The following GLYATL3 variants were observed in gnomAD, a reference collection of about 807,000 sequenced individuals.
The protein encoded by GLYATL3 is glycine N-acyltransferase-like protein 3.
A neutral mutation model predicts 28.5 loss-of-function variants in GLYATL3; 31 were observed. The ratio of observed to expected loss-of-function variants is 1.09; its 90% CI spans 0.82 to 1.47. The LOEUF is 1.47. Among genes scored for constraint, GLYATL3 ranks in the 40% most tolerant of loss-of-function variants. The probability of loss-of-function intolerance (pLI) is 0.00; values close to 1 mark genes in which losing one functional copy is unlikely to be tolerated. For missense variants in GLYATL3, 369 were observed against 351.5 expected, an observed-to-expected ratio of 1.05 and a Z score of -0.40; for synonymous variants, 141 against 140.2, an observed-to-expected ratio of 1.01 and a Z score of -0.04.
At chr6:49,506,211 A>C (rs1581865405) in intron 1 of GLYATL3, among the ~76,000 whole-genome samples, 1 of 152,150 alleles carries the variant, frequency 6.6e-6, no homozygotes, top group South Asian at 2.1e-4. Context: ...GTTGAATTTT[A>C]TCAGGAGCAA....
At position 49,521,679 on chromosome 6, in the gene GLYATL3, GGTTGCCAATTCAAAGCA is replaced by G; in HGVS notation, c.353_369del (p.Ala118GlufsTer52). The G allele has an allele frequency of 6.5e-7, 1 of 1,550,374 alleles. No homozygotes were observed. Among genetic ancestry groups the G allele is most frequent in the Non-Finnish European group, 8.7e-7 (1 of 1,145,886 alleles). On this transcript the variant is annotated frameshift_variant, in exon 5 of 6. Transcript: ENST00000371197. LOFTEE classifies it high-confidence loss of function. ...GTGAGTTATATGATGTTTCCAAAGC[GGTTGCCAATTCAAAGCA>G]GTTGAATATAAAGCTAACTTCCTTC...
chr6:49,517,498 T>A lies in GLYATL3; in HGVS notation c.255T>A (p.Tyr85Ter). 1.3e-6 allele frequency: 2 copies of A among 1,551,140 alleles called. No homozygotes were observed. Among genetic ancestry groups the A allele is most frequent in the Non-Finnish European group, 1.7e-6 (2 of 1,146,424 alleles). The change falls in exon 4 of 6, where the codon TAT (tyrosine) becomes TAA (stop). Residue 85 changes from tyrosine (Y) to a stop codon, truncating the protein, a stop_gained. Coordinates refer to ENST00000371197, the MANE Select transcript of GLYATL3 (RefSeq NM_001010904.2). LOFTEE classifies it high-confidence loss of function. ...YAVFYKDVRA[Y>*]RQLLEECDVF... ...TGTTCTACAAGGATGTCAGGGCTTA[T>A]CGACAGCTATTGGAAGAATGTGATG...
In GLYATL3 at chr6:49,501,175, G is replaced by A. The variant is rs556488581; in HGVS notation, c.-29+1133G>A. On this transcript the variant is annotated intron_variant, in intron 1 of 5. Transcript: ENST00000371197. ...AGCACTTTGGGGGGCCAAGGCAGGTGGATCACATGAGGTCAGGAGTTTGAG... is the reference window on the plus strand; with the variant it reads ...AGCACTTTGGGGGGCCAAGGCAGGTAGATCACATGAGGTCAGGAGTTTGAG... Among the ~76,000 whole-genome samples, 147 of 152,238 alleles carry A rather than the reference G, an allele frequency of 9.7e-4. 1 individual carries two copies. Among genetic ancestry groups the A allele is most frequent in the Admixed American group, 2.5e-3 (39 of 15,298 alleles).
In GLYATL3 at chr6:49,512,060, TCA is replaced by T; in HGVS notation, c.72_73del (p.Leu25GlnfsTer39). 1 of 1,303,448 alleles carries T rather than the reference TCA, an allele frequency of 7.7e-7. No individual in the cohort carries two copies. Among genetic ancestry groups the T allele is most frequent in the Non-Finnish European group, 1.1e-6 (1 of 922,702 alleles). 80.7% of individuals were successfully genotyped at this position (1,303,448 alleles called of 1,614,324 possible). A position where few individuals can be genotyped will look rare whatever the true frequency, so the allele number is the denominator to read the frequency against. On this transcript the variant is annotated frameshift_variant, in exon 2 of 6. Transcript: ENST00000371197. LOFTEE classifies it high-confidence loss of function. The stretch of plus-strand genomic sequence containing the variant: ...AATGTTGAAGAGTTGCTTTCCTGAA[TCA>T]CTCAAGGTACCATAAAATTAATAAT... ...EKMLKSCFPE[S>X]LKVYGAVMNI...
At chr6:49,504,387 T>C (rs1219173537) in intron 1 of GLYATL3, among the ~76,000 whole-genome samples, 1 of 152,086 alleles carries the variant, frequency 6.6e-6, no homozygotes, top group Admixed American at 6.6e-5. Flanking sequence ...GATATTCACC[T>C]GGGGAAACAC....
chr6:49,515,137 TTTTAA>T (rs1013562543), intron 2 of GLYATL3, among the ~76,000 whole-genome samples: 1 of 152,132 alleles, frequency 6.6e-6, no homozygotes, highest in Non-Finnish European at 1.5e-5. Flanking sequence ...TGTTTGTTTG[TTTTAA>T]TTTGAGTTGG....
intron 1 of GLYATL3, among the ~76,000 whole-genome samples, chr6:49,506,234 C>T (rs1769008958): frequency 6.6e-6 from 1 of 152,160 alleles, no homozygotes; most frequent in Non-Finnish European, 1.5e-5. Context: ...TGGAGTCCTG[C>T]ATTGGCAACA....
chr6:49,517,323 C>A, intron 3 of GLYATL3, 107 bp from the exon 4 acceptor site: 1 of 907,364 alleles, frequency 1.1e-6, no homozygotes, highest in Non-Finnish European at 1.6e-6. Flanking sequence ...TGTTAGCCAC[C>A]TATAAAAATT....
chr6:49,528,012 C>T lies in GLYATL3; in HGVS notation c.*1098C>T, dbSNP rs1020446315. ...CATTTTAATTCCAATCTGTTATTTT[C>T]ACTAAATCATGTATCCTTTTTTATA... On this transcript the variant is annotated 3_prime_UTR_variant, in exon 6 of 6. Transcript: ENST00000371197. 5.3e-5 allele frequency among the ~76,000 whole-genome samples: 8 copies of T among 152,120 alleles called. No individual in the cohort carries two copies. The highest frequency in any genetic ancestry group is 1.9e-4 in the African/African-American group (8 of 41,442).
intron 2 of GLYATL3, among the ~76,000 whole-genome samples, chr6:49,513,233 T>C (rs890845419): frequency 2.0e-5 from 3 of 152,226 alleles, no homozygotes; most frequent in South Asian, 2.1e-4. Flanking sequence ...ATGGATTTTG[T>C]AACCTCAGCT....
At chr6:49,520,063 T>A (rs899453546) in intron 4 of GLYATL3, among the ~76,000 whole-genome samples, 1 of 152,212 alleles carries the variant, frequency 6.6e-6, no homozygotes, top group African/African-American at 2.4e-5. Context: ...GATGGGAAGT[T>A]CCTTTCATTT....
At chr6:49,503,687 T>G (rs1305860240) in intron 1 of GLYATL3, among the ~76,000 whole-genome samples, 1 of 152,344 alleles carries the variant, frequency 6.6e-6, no homozygotes, top group Middle Eastern at 3.4e-3. Flanking sequence ...TGAAGACAAG[T>G]TGATAGGACA....
chr6:49,518,860 G>A (rs1011417083), intron 4 of GLYATL3, among the ~76,000 whole-genome samples: 2 of 151,900 alleles, frequency 1.3e-5, no homozygotes, highest in Admixed American at 6.6e-5. Context: ...AGAATGGCGT[G>A]AACCCAGGAG....
In GLYATL3 at chr6:49,526,907, A is replaced by T; in HGVS notation, c.860A>T (p.His287Leu). 2.0e-6 allele frequency: 3 copies of T among 1,525,102 alleles called. No individual in the cohort carries two copies. Among genetic ancestry groups the T allele is most frequent in the Non-Finnish European group, 2.6e-6 (3 of 1,132,598 alleles). 94.5% of individuals were successfully genotyped at this position (1,525,102 alleles called of 1,614,324 possible). Residue 287 changes from histidine (H) to leucine (L), a missense_variant, in exon 6 of 6, where the codon CAC becomes CTC. His to Leu is a moderately conservative substitution (Grantham distance 99, BLOSUM62 -3). Coordinates refer to ENST00000371197, the MANE Select transcript of GLYATL3 (RefSeq NM_001010904.2). ...CCTGCGACTTTCTCTGGCCTGCCTC[A>T]CCTCTAGCCCAGTAAAAAACTGCAG... ...LTPATFSGLP[H>L]L
intron 4 of GLYATL3, among the ~76,000 whole-genome samples, chr6:49,519,404 C>A (rs994883288): frequency 6.6e-6 from 1 of 152,132 alleles, no homozygotes; most frequent in African/African-American, 2.4e-5. Flanking sequence ...ATAAGTCAGC[C>A]TGGACATTAC....
intron 1 of GLYATL3, among the ~76,000 whole-genome samples, chr6:49,503,544 T>C (rs750922123): frequency 6.6e-6 from 1 of 152,214 alleles, no homozygotes; most frequent in Non-Finnish European, 1.5e-5. Context: ...GTGTTGACAA[T>C]CTCTGTGACC....
At chr6:49,505,127 C>T (rs1163953281) in intron 1 of GLYATL3, among the ~76,000 whole-genome samples, 1 of 152,092 alleles carries the variant, frequency 6.6e-6, no homozygotes, top group Non-Finnish European at 1.5e-5. Flanking sequence ...AATTGTTCTG[C>T]ATCTATAATG....
At position 49,527,954 on chromosome 6, in the gene GLYATL3, T is replaced by C. The variant is rs1405846505; in HGVS notation, c.*1040T>C. On this transcript the variant is annotated 3_prime_UTR_variant, in exon 6 of 6. Coordinates refer to ENST00000371197, the MANE Select transcript of GLYATL3 (RefSeq NM_001010904.2). Reference sequence around the variant, plus strand: ...GACTTTTTCAAGATTATATTCTTTATAATCAGTACTGGAGGCAAAGCCAGA... The same window carrying C: ...GACTTTTTCAAGATTATATTCTTTACAATCAGTACTGGAGGCAAAGCCAGA... Among the ~76,000 whole-genome samples the C allele has an allele frequency of 6.6e-6, 1 of 152,222 alleles. No homozygotes were observed. Among genetic ancestry groups the C allele is most frequent in the Non-Finnish European group, 1.5e-5 (1 of 68,050 alleles).
intron 4 of GLYATL3, among the ~76,000 whole-genome samples, chr6:49,518,574 T>G (rs2127237281): frequency 6.6e-6 from 1 of 152,300 alleles, no homozygotes; most frequent in Admixed American, 6.5e-5. Context: ...AAGGAAAAGC[T>G]TCTATCCACC....
Sources: gnomAD v4.1 joint callset for allele counts (sites outside exome capture counted in the v4.1 genomes callset) on GRCh38, gnomAD v4.1.1 for gene constraint, MANE v1.5 for transcripts, NCBI Gene and HGNC (gene_info 2026-07-23, HGNC 2026-07-21) for gene names.